The following PDPR variants were observed in gnomAD, a reference collection of about 807,000 sequenced individuals.
The protein encoded by PDPR is pyruvate dehydrogenase phosphatase regulatory subunit, also known as pyruvate dehydrogenase phosphatase regulatory subunit, mitochondrial.
PDPR carries 50 observed loss-of-function variants against 102.2 expected under a neutral mutation model. That is an observed-to-expected ratio of 0.49 (90% confidence interval 0.39 to 0.62). PDPR has a LOEUF of 0.62. Ranked by LOEUF, PDPR falls within the 20% of genes least tolerant of loss-of-function variation. The pLI, the probability that PDPR is intolerant of heterozygous loss-of-function variation, is 0.00. For missense variants in PDPR, 625 were observed against 1,098.2 expected (o/e 0.57, Z 6.09); for synonymous variants, 259 against 406.0 (o/e 0.64, Z 4.35).
At chr16:70,121,198 C>T (rs912154251) in intron 3 of PDPR, among the ~76,000 whole-genome samples, 6 of 151,946 alleles carry the variant, frequency 3.9e-5, no homozygotes, top group African/African-American at 1.5e-4. Context: ...TAATATTGTT[C>T]TCATTCCCCA....
intron 10 of PDPR, among the ~76,000 whole-genome samples, chr16:70,137,197 A>G (rs868269173): frequency 8.1e-4 from 123 of 152,312 alleles, no homozygotes; most frequent in Middle Eastern, 3.4e-3. Flanking sequence ...CTAAAAATAC[A>G]CAAACAAAAT....
chr16:70,119,263 C>G (rs150492627), intron 2 of PDPR, among the ~76,000 whole-genome samples: 31 of 152,240 alleles, frequency 2.0e-4, no homozygotes, highest in African/African-American at 7.2e-4. Flanking sequence ...GAAGTCAACT[C>G]TGTTTTTCTT....
intron 3 of PDPR, among the ~76,000 whole-genome samples, chr16:70,125,922 C>G (rs1963914914): frequency 6.6e-6 from 1 of 152,284 alleles, no homozygotes; most frequent in Non-Finnish European, 1.5e-5. Flanking sequence ...ATGTGAACCA[C>G]TGCACCCAGC....
At chr16:70,119,289 G>A (rs900467705) in intron 2 of PDPR, among the ~76,000 whole-genome samples, 3 of 151,836 alleles carry the variant, frequency 2.0e-5, no homozygotes, top group African/African-American at 7.3e-5. Context: ...TCTACCATCC[G>A]CTCTCCACCA....
intron 16 of PDPR, among the ~76,000 whole-genome samples, chr16:70,148,088 G>C (rs2152113126): frequency 6.6e-6 from 1 of 152,360 alleles, no homozygotes; most frequent in South Asian, 2.1e-4. Flanking sequence ...CAGGCGGCCA[G>C]GGTTTGTCTG....
At chr16:70,134,911 G>T (rs534506709) in intron 9 of PDPR, among the ~76,000 whole-genome samples, 12 of 152,122 alleles carry the variant, frequency 7.9e-5, no homozygotes, top group Non-Finnish European at 1.3e-4. Context: ...AAATTCTTAC[G>T]GAAAATTTCA....
chr16:70,123,692 GT>G (rs1226513980), intron 3 of PDPR, among the ~76,000 whole-genome samples: 2 of 152,252 alleles, frequency 1.3e-5, no homozygotes, highest in African/African-American at 4.8e-5. Context: ...GGTTTAATTT[GT>G]TGCTTCAAGA....
Position 70,157,455 on chromosome 16 carries a change from C to T in PDPR, c.*576C>T, listed in dbSNP as rs1247927335. ...TATCTACCTCACTGATAAGAGGCAT[C>T]GCATGGACGTTCTCTGGTCTGTAGT... is the stretch of plus-strand genomic sequence containing the variant. On this transcript the variant is annotated 3_prime_UTR_variant, in exon 19 of 19. Coordinates refer to ENST00000288050, the MANE Select transcript of PDPR (RefSeq NM_017990.5). 13 of 345,604 alleles carry T rather than the reference C, an allele frequency of 3.8e-5. No individual in the cohort carries two copies. The highest frequency in any genetic ancestry group is 8.6e-5 in the African/African-American group (4 of 46,530). 21.4% of individuals were successfully genotyped at this position (345,604 alleles called of 1,614,324 possible).
At chr16:70,137,373 T>G (rs1378148084) in intron 10 of PDPR, among the ~76,000 whole-genome samples, 1 of 152,012 alleles carries the variant, frequency 6.6e-6, no homozygotes, top group Non-Finnish European at 1.5e-5. Context: ...ATAATAATAA[T>G]AAAATAAAAT....
intron 4 of PDPR, among the ~76,000 whole-genome samples, chr16:70,128,409 G>C (rs1053980139): frequency 2.0e-5 from 3 of 152,220 alleles, no homozygotes; most frequent in African/African-American, 7.2e-5. Flanking sequence ...TATATTTTTA[G>C]TAGAGACAGG....
At position 70,160,639 on chromosome 16, in the gene PDPR, C is replaced by G. The variant is rs1197847175; in HGVS notation, c.*3760C>G. ...CTTGGATCATCTCCTCATGCACACC[C>G]GGAGTTTTACCTGCTTGCTTGCTTT... On this transcript the variant is annotated 3_prime_UTR_variant, in exon 19 of 19. Transcript: ENST00000288050. The G allele has an allele frequency of 3.3e-5, 5 of 152,756 alleles. No individual in the cohort carries two copies. Among genetic ancestry groups the G allele is most frequent in the African/African-American group, 7.2e-5 (3 of 41,482 alleles). 9.5% of individuals were successfully genotyped at this position (152,756 alleles called of 1,614,324 possible).
At chr16:70,132,359 C>T (rs1192458134) in intron 9 of PDPR, 59 bp downstream of exon 9, 4 of 1,523,554 alleles carry the variant, frequency 2.6e-6, no homozygotes, top group Non-Finnish European at 3.6e-6. Context: ...TTATATTTTT[C>T]AAAGTATTTT....
intron 7 of PDPR, among the ~76,000 whole-genome samples, chr16:70,130,809 A>G (rs2549539): frequency 2.6e-5 from 4 of 152,268 alleles, no homozygotes; most frequent in Non-Finnish European, 4.4e-5. Flanking sequence ...AATCCTTGGC[A>G]CTGGGTCTTG....
At position 70,159,026 on chromosome 16, in the gene PDPR, A is replaced by G. The variant is rs1967515646; in HGVS notation, c.*2147A>G. ...GCAGTATCACCACTTACCAGGATCCAAATCGAAATAATAAAAGCTGTCTCC... is the reference window on the plus strand; with the variant it reads ...GCAGTATCACCACTTACCAGGATCCGAATCGAAATAATAAAAGCTGTCTCC... On this transcript the variant is annotated 3_prime_UTR_variant, in exon 19 of 19. Coordinates refer to ENST00000288050, the MANE Select transcript of PDPR (RefSeq NM_017990.5). 1 of 152,384 alleles carries G rather than the reference A, an allele frequency of 6.6e-6. No individual in the cohort carries two copies. Among genetic ancestry groups the G allele is most frequent in the Non-Finnish European group, 1.5e-5 (1 of 68,098 alleles). 9.4% of individuals were successfully genotyped at this position (152,384 alleles called of 1,614,324 possible).
intron 2 of PDPR, among the ~76,000 whole-genome samples, chr16:70,117,632 G>C (rs190665190): frequency 1.3e-5 from 2 of 152,144 alleles, no homozygotes; most frequent in African/African-American, 4.8e-5. Context: ...ACCTGGAGCC[G>C]AATAGAACAC....
Position 70,153,539 on chromosome 16 carries a change from A to C in PDPR, c.2201A>C (p.Glu734Ala), listed in dbSNP as rs1177312791. The change falls in exon 18 of 19, where the codon GAA becomes GCA. Residue 734 changes from glutamate to alanine, a missense_variant. Glu to Ala is a moderately radical substitution (Grantham distance 107, BLOSUM62 -1). Transcript: ENST00000288050. ...QDINNLTTPL[E>A]CGRESRVKLE... ...ATAAATAACCTCACCACGCCCCTGG[A>C]ATGTGGACGAGAGTCTCGGGTGAAA... The C allele has an allele frequency of 6.2e-7, 1 of 1,610,460 alleles. No homozygotes were observed. Among genetic ancestry groups the C allele is most frequent in the Non-Finnish European group, 8.5e-7 (1 of 1,178,732 alleles).
intron 3 of PDPR, among the ~76,000 whole-genome samples, chr16:70,123,748 T>G (rs1963607105): frequency 6.6e-6 from 1 of 152,254 alleles, no homozygotes; most frequent in Non-Finnish European, 1.5e-5. Context: ...TATTTAAACC[T>G]CACACTTAAA....
chr16:70,115,094 T>G (rs1050815646), intron 2 of PDPR, among the ~76,000 whole-genome samples, 164 bp downstream of exon 2: 1 of 152,132 alleles, frequency 6.6e-6, no homozygotes, highest in African/African-American at 2.4e-5. Context: ...GCTTTTCCAG[T>G]GGCAGGGACT....
chr16:70,137,928 G>A (rs1965315771), intron 10 of PDPR, among the ~76,000 whole-genome samples: 2 of 152,254 alleles, frequency 1.3e-5, no homozygotes, highest in Non-Finnish European at 2.9e-5. Flanking sequence ...GAGTGCAGTG[G>A]CACCATCATA....
Sources: allele counts gnomAD v4.1 joint callset (sites outside exome capture counted in the v4.1 genomes callset), GRCh38; gene constraint gnomAD v4.1.1; transcripts MANE v1.5; gene names NCBI Gene and HGNC (gene_info 2026-07-23, HGNC 2026-07-21).